The following CELF2 variants were observed in gnomAD, a reference collection of about 807,000 sequenced individuals.
The protein encoded by CELF2 is CUG triplet repeat RNA-binding protein 2.
A neutral mutation model predicts 62.6 loss-of-function variants in CELF2; 8 were observed. That is an observed-to-expected ratio of 0.13 (90% CI 0.07 to 0.23). CELF2 has a LOEUF of 0.23. Among genes scored for constraint, CELF2 ranks in the 10% least tolerant of loss-of-function variants. CELF2 has a pLI of 1.00. For synonymous variants in CELF2, 258 were observed against 250.0 expected (o/e 1.03, Z -0.30); for missense variants, 333 against 671.0 (o/e 0.50, Z 5.56).
chr10:10,582,353 G>A, the CELF2 span, among the ~76,000 whole-genome samples: 2 of 152,114 alleles, frequency 1.3e-5, no homozygotes, highest in Non-Finnish European at 2.9e-5. Flanking sequence ...CCTTGGTGAT[G>A]ATCTCATATT....
At chr10:10,514,292 C>G in the CELF2 span, among the ~76,000 whole-genome samples, 1 of 152,090 alleles carries the variant, frequency 6.6e-6, no homozygotes, top group African/African-American at 2.4e-5. Context: ...ACTAACTGAT[C>G]GATTCATGGA....
At chr10:10,728,429 G>T in the CELF2 span, among the ~76,000 whole-genome samples, 512 of 148,024 alleles carry the variant, frequency 3.5e-3, 4 homozygotes, top group African/African-American at 0.012. Flanking sequence ...CTCCAGCCTG[G>T]GTGACAGCAT....
At chr10:10,479,650 G>C in the CELF2 span, among the ~76,000 whole-genome samples, 1 of 152,068 alleles carries the variant, frequency 6.6e-6, no homozygotes, top group African/African-American at 2.4e-5. Flanking sequence ...TTAAGAATAC[G>C]AGCTCTGGAA....
At chr10:10,711,923 G>T in the CELF2 span, among the ~76,000 whole-genome samples, 1 of 152,110 alleles carries the variant, frequency 6.6e-6, no homozygotes, top group Non-Finnish European at 1.5e-5. Flanking sequence ...AAAAGTGAAT[G>T]TATTTGTTTC....
chr10:10,648,541 GAAT>G, the CELF2 span, among the ~76,000 whole-genome samples: 5 of 152,176 alleles, frequency 3.3e-5, no homozygotes, highest in African/African-American at 1.2e-4. Flanking sequence ...CAAAGCGAAA[GAAT>G]AACAGCAACA....
In CELF2 at chr10:11,331,324, TAAAAA is replaced by T. The variant is rs896691830; in HGVS notation, c.*2275_*2279del. ...ATTTCAAAAAAAAAAGTTGTTTGCT[TAAAAA>T]AAATTTCATGTGAGGGAAAAAAAAA... On this transcript the variant is annotated 3_prime_UTR_variant, in exon 13 of 13. Coordinates refer to ENST00000633077, the MANE Select transcript of CELF2 (RefSeq NM_001326342.2). The T allele has an allele frequency of 7.3e-5, 11 of 150,596 alleles. No individual in the cohort carries two copies. The highest frequency in any genetic ancestry group is 1.6e-4 in the Non-Finnish European group (11 of 67,534). The allele number at this position is 150,596 out of a possible 1,614,324, so 9.3% of individuals were successfully genotyped here. A position where few individuals can be genotyped will look rare whatever the true frequency, so the allele number is the denominator to read the frequency against.
the CELF2 span, among the ~76,000 whole-genome samples, chr10:10,665,652 T>G: frequency 6.6e-6 from 1 of 152,204 alleles, no homozygotes. Flanking sequence ...ATATTCTGTT[T>G]ATTTAATCCT....
chr10:10,874,744 A>G (rs536691577), intron 1 of CELF2, among the ~76,000 whole-genome samples: 106 of 152,320 alleles, frequency 7.0e-4, no homozygotes, highest in African/African-American at 2.5e-3. Flanking sequence ...AATAATATAT[A>G]TTGGAAAGAT....
Position 11,314,186 on chromosome 10 carries a change from T to C in CELF2, c.1024T>C (p.Leu342=). 1 of 1,614,092 alleles carries C rather than the reference T, an allele frequency of 6.2e-7. No homozygotes were observed. The highest frequency in any genetic ancestry group is 8.5e-7 in the Non-Finnish European group (1 of 1,179,924). Residue 342 remains leucine (L), a synonymous_variant, in exon 10 of 13, where the codon TTG becomes CTG. Transcript: ENST00000633077. This position sits in a 1 kb window ranked among gnomAD's most constrained non-coding sequence, Gnocchi z 5.3. The part of the protein sequence containing the change: ...NSTAGAAMNS[L]TSLGTLQGLA... Reference sequence around the variant, plus strand: ...CACTGCTGGTGCAGCCATGAACTCCTTGACCTCTCTCGGGACTCTGCAAGG... The same window carrying C: ...CACTGCTGGTGCAGCCATGAACTCCCTGACCTCTCTCGGGACTCTGCAAGG...
chr10:11,085,170 A>T (rs1191979736), intron 1 of CELF2, among the ~76,000 whole-genome samples: 1 of 152,228 alleles, frequency 6.6e-6, no homozygotes, highest in East Asian at 1.9e-4. Flanking sequence ...CAAAAAGAAG[A>T]AGTATAACCT....
chr10:11,059,104 A>T (rs2066087925), intron 1 of CELF2, among the ~76,000 whole-genome samples: 1 of 152,190 alleles, frequency 6.6e-6, no homozygotes, highest in Admixed American at 6.5e-5. Flanking sequence ...GTATGAGTCA[A>T]GGAACAGACA....
At chr10:10,590,143 G>A in the CELF2 span, among the ~76,000 whole-genome samples, 5,388 of 152,210 alleles carry the variant, frequency 0.035, 152 homozygotes, top group Non-Finnish European at 0.052. Flanking sequence ...GCAGGCATGT[G>A]AGTGCACACA....
intron 9 of CELF2, 144 bp from the exon 10 acceptor site, chr10:11,313,995 G>A (rs2094741920): frequency 1.2e-6 from 1 of 832,510 alleles, no homozygotes; most frequent in Non-Finnish European, 1.9e-6. Flanking sequence ...ATTGCCACAA[G>A]TACAATCCCA....
chr10:10,635,791 A>G, the CELF2 span, among the ~76,000 whole-genome samples: 1 of 152,192 alleles, frequency 6.6e-6, no homozygotes, highest in East Asian at 1.9e-4. Flanking sequence ...GCATTATTTC[A>G]AATTCTCTCC....
the CELF2 span, among the ~76,000 whole-genome samples, chr10:10,686,315 G>GGGT: frequency 3.2e-3 from 218 of 67,498 alleles, 7 homozygotes; most frequent in Admixed American, 5.5e-3. Flanking sequence ...TTTTTTGGGG[G>GGGT]GGGGGGTGGG....
At chr10:10,992,536 T>C (rs929689578) in intron 2 of CELF2, among the ~76,000 whole-genome samples, 4 of 152,144 alleles carry the variant, frequency 2.6e-5, no homozygotes, top group Non-Finnish European at 4.4e-5. Context: ...ATTGGCAAAA[T>C]AATCCAATCT....
At chr10:11,079,863 G>C (rs886929546) in intron 1 of CELF2, among the ~76,000 whole-genome samples, 1 of 151,756 alleles carries the variant, frequency 6.6e-6, no homozygotes, top group East Asian at 1.9e-4. Flanking sequence ...CATATGATCA[G>C]AGTTACCACA....
rs2091104268 is a variant in CELF2 at position 11,285,858 on chromosome 10, TGTGTGTGTGTGTGTGTG to T, written c.842-2559_842-2543del. ...GTGTGTGTGTGTGTGTGTGTGTGTG[TGTGTGTGTGTGTGTGTG>T]TGTTTTTACATGGACTTGAAAATGA... On this transcript the variant is annotated intron_variant, in intron 8 of 12. Coordinates refer to ENST00000633077, the MANE Select transcript of CELF2 (RefSeq NM_001326342.2). The surrounding 1 kb of genome is among the most constrained non-coding windows in gnomAD (Gnocchi z 4.3). Among the ~76,000 whole-genome samples the T allele has an allele frequency of 6.9e-6, 1 of 144,296 alleles. No homozygotes were observed. Among genetic ancestry groups the T allele is most frequent in the Non-Finnish European group, 1.5e-5 (1 of 67,462 alleles). The allele number at this position is 144,296 out of a possible 152,430, so 94.7% of individuals were successfully genotyped here.
At chr10:11,282,877 G>A (rs1222263576) in intron 8 of CELF2, among the ~76,000 whole-genome samples, 1 of 152,228 alleles carries the variant, frequency 6.6e-6, no homozygotes, top group East Asian at 1.9e-4. Context: ...TGTCACCAGT[G>A]GAGCTTGTGT....
Sources: gnomAD v4.1 joint callset for allele counts (sites outside exome capture counted in the v4.1 genomes callset) on GRCh38, gnomAD v4.1.1 for gene constraint, Gnocchi (gnomAD v3.1) non-coding constraint, MANE v1.5 for transcripts, NCBI Gene and HGNC (gene_info 2026-07-23, HGNC 2026-07-21) for gene names.